KIAA0753: variants seen among roughly 807,000 people sequenced by gnomAD.
The protein encoded by KIAA0753 is protein moonraker.
A neutral mutation model predicts 116.9 loss-of-function variants in KIAA0753; 114 were observed. That is an observed-to-expected ratio of 0.98 (90% CI 0.84 to 1.14). The LOEUF is 1.14. Among genes scored for constraint, KIAA0753 ranks in the 50% most tolerant of loss-of-function variants. The pLI is 0.00. For missense variants in KIAA0753, 1,156 were observed against 1,172.4 expected, an observed-to-expected ratio of 0.99 and a Z score of 0.20; for synonymous variants, 405 against 413.1, an observed-to-expected ratio of 0.98 and a Z score of 0.24.
chr17:6,625,980 G>A (rs544941401), intron 3 of KIAA0753, among the ~76,000 whole-genome samples: 83 of 152,322 alleles, frequency 5.4e-4, no homozygotes, highest in African/African-American at 1.9e-3. Flanking sequence ...AGGATTACAG[G>A]TGTGAGCCAC....
rs2072149 is a variant in KIAA0753 at position 6,628,328 on chromosome 17, A to G, written c.507T>C (p.Ser169=). The G allele has an allele frequency of 0.59, 956,102 of 1,613,842 alleles. 287,233 individuals carry two copies. The highest frequency in any genetic ancestry group is 0.81 in the African/African-American group (60,751 of 74,938). ...ATGAGTAAAGGTATACTTTGGCACC[A>G]GAGCTGGAGATTTCTACTTTGGATG... The part of the protein sequence containing the change: ...HQPSKVEISS[S]GAKVYLYSSH... Residue 169 remains serine, a synonymous_variant, in exon 3 of 19, where the codon TCT becomes TCC. Transcript: ENST00000361413.
chr17:6,629,523 T>C (rs72835764), intron 2 of KIAA0753, among the ~76,000 whole-genome samples: 26,017 of 152,160 alleles, frequency 0.17, 2,777 homozygotes, highest in African/African-American at 0.29. Context: ...TTAAAATTAT[T>C]TCCTTAGGAT....
intron 8 of KIAA0753, 41 bp downstream of exon 8, chr17:6,611,878 G>T (rs1034423425): frequency 1.9e-6 from 3 of 1,556,584 alleles, no homozygotes; most frequent in African/African-American, 2.7e-5. Flanking sequence ...GACAATGTCA[G>T]ATTAACACAA....
rs1970257008 is a variant in KIAA0753 at position 6,607,274 on chromosome 17, G to A, written c.1830-4C>T. 1 of 1,613,602 alleles carries A rather than the reference G, an allele frequency of 6.2e-7. No homozygotes were observed. Among genetic ancestry groups the A allele is most frequent in the South Asian group, 1.1e-5 (1 of 91,076 alleles). On this transcript the variant is annotated splice_polypyrimidine_tract_variant and splice_region_variant and intron_variant, in intron 10 of 18. Transcript: ENST00000361413. ...TTCAGCATCAAGCCAAGCGAGCCTA[G>A]CAGACAGTCAAAAGAGTCAAACCAA... is the stretch of plus-strand genomic sequence containing the variant.
chr17:6,579,263 A>C lies in KIAA0753; in HGVS notation c.*484T>G, dbSNP rs1322303583. ...GCTCTCCCTGAGTCTACAGCCTAGT[A>C]GGGCCAGAGGTCCTGACAGGAAATC... On this transcript the variant is annotated 3_prime_UTR_variant, in exon 19 of 19. Transcript: ENST00000361413. 1 of 156,810 alleles carries C rather than the reference A, an allele frequency of 6.4e-6. No homozygotes were observed. The highest frequency in any genetic ancestry group is 6.3e-5 in the Admixed American group (1 of 15,866). 9.7% of individuals were successfully genotyped at this position (156,810 alleles called of 1,614,324 possible). A position where few individuals can be genotyped will look rare whatever the true frequency, so the allele number is the denominator to read the frequency against.
At chr17:6,640,552 G>C (rs994164456) in intron 1 of KIAA0753, 85 bp downstream of exon 1, 1 of 151,996 alleles carries the variant, frequency 6.6e-6, no homozygotes, top group African/African-American at 2.4e-5. Context: ...AGCAACAAAG[G>C]CTTTCCGAGT....
At position 6,623,526 on chromosome 17, in the gene KIAA0753, T is replaced by C; in HGVS notation, c.871A>G (p.Ile291Val). ...CAGCATACCTTCTTAGTGTGTTTAATTTTATGTGGACTCAATTTATCCAAT... is the reference window on the plus strand; with the variant it reads ...CAGCATACCTTCTTAGTGTGTTTAACTTTATGTGGACTCAATTTATCCAAT... ...EELDKLSPHK[I>V]KHTKKSWAMS... The change falls in exon 5 of 19, where the codon ATT becomes GTT. Residue 291 changes from isoleucine (I) to valine (V), a missense_variant. Ile to Val is a conservative substitution (Grantham distance 29). Transcript: ENST00000361413. The C allele has an allele frequency of 1.6e-5, 26 of 1,608,286 alleles. No individual in the cohort carries two copies. The highest frequency in any genetic ancestry group is 2.2e-5 in the South Asian group (2 of 90,190).
intron 4 of KIAA0753, 163 bp from the exon 5 acceptor site, chr17:6,623,734 G>T: frequency 1.0e-6 from 1 of 993,266 alleles, no homozygotes; most frequent in Non-Finnish European, 1.4e-6. Context: ...CCAAAAAACA[G>T]TTACTGGTTT....
At chr17:6,604,210 T>C (rs1310415950) in intron 12 of KIAA0753, among the ~76,000 whole-genome samples, 1 of 151,768 alleles carries the variant, frequency 6.6e-6, no homozygotes, top group Non-Finnish European at 1.5e-5. Flanking sequence ...GAAACTGTAT[T>C]CATAATAGCC....
At chr17:6,626,211 G>A (rs1971657278) in intron 3 of KIAA0753, among the ~76,000 whole-genome samples, 1 of 152,178 alleles carries the variant, frequency 6.6e-6, no homozygotes, top group Non-Finnish European at 1.5e-5. Context: ...CTTCCAGGCT[G>A]TGGTTTTCAA....
At position 6,635,120 on chromosome 17, in the gene KIAA0753, GAAC is replaced by G. The variant is rs1395804185; in HGVS notation, c.-20_-18del. 1 of 1,555,676 alleles carries G rather than the reference GAAC, an allele frequency of 6.4e-7. No individual in the cohort carries two copies. The highest frequency in any genetic ancestry group is 8.9e-7 in the Non-Finnish European group (1 of 1,126,990). ...TGGTCCCATAATGTCAGGTAGTACA[GAAC>G]AATAGTGACAGCCTTGTCATCCGGC... On this transcript the variant is annotated 5_prime_UTR_variant, in exon 2 of 19. Coordinates refer to ENST00000361413, the MANE Select transcript of KIAA0753 (RefSeq NM_014804.3).
chr17:6,640,319 C>T (rs1292944323), intron 1 of KIAA0753: 1 of 152,928 alleles, frequency 6.5e-6, no homozygotes. Context: ...CGGCTCATAG[C>T]TCCAGGGCAG....
chr17:6,627,283 G>C (rs1301056434), intron 3 of KIAA0753, among the ~76,000 whole-genome samples: 1 of 152,076 alleles, frequency 6.6e-6, no homozygotes, highest in African/African-American at 2.4e-5. Context: ...ATATCCTCAT[G>C]TGCATTTTTG....
chr17:6,623,388 C>T, intron 5 of KIAA0753, 121 bp downstream of exon 5: 1 of 801,050 alleles, frequency 1.2e-6, no homozygotes, highest in Non-Finnish European at 2.0e-6. Context: ...CACTCCCTCA[C>T]TAACAGGTTT....
At position 6,590,505 on chromosome 17, in the gene KIAA0753, C is replaced by T; in HGVS notation, c.2561+5G>A. On this transcript the variant is annotated splice_donor_5th_base_variant and intron_variant, in intron 17 of 18. Coordinates refer to ENST00000361413, the MANE Select transcript of KIAA0753 (RefSeq NM_014804.3). ...ATGAAATCAGAAAGTGTCTTTGCCACTTACTTGCCATTACAGGGCCTTTCT... is the reference window on the plus strand; with the variant it reads ...ATGAAATCAGAAAGTGTCTTTGCCATTTACTTGCCATTACAGGGCCTTTCT... The T allele has an allele frequency of 3.1e-6, 5 of 1,613,830 alleles. No individual in the cohort carries two copies. The highest frequency in any genetic ancestry group is 4.2e-6 in the Non-Finnish European group (5 of 1,179,810).
Position 6,635,164 on chromosome 17 carries a change from A to G in KIAA0753, c.-61T>C. On this transcript the variant is annotated 5_prime_UTR_variant, in exon 2 of 19. Transcript: ENST00000361413. ...GTCATCCGGCAACAGTCTTCCCTAA[A>G]ACCATTCCTAAAACGAAACAAAGCT... The G allele has an allele frequency of 7.9e-7, 1 of 1,264,170 alleles. No individual in the cohort carries two copies. The highest frequency in any genetic ancestry group is 1.2e-6 in the Non-Finnish European group (1 of 863,236). The allele number at this position is 1,264,170 out of a possible 1,614,324, so 78.3% of individuals were successfully genotyped here.
Position 6,608,516 on chromosome 17 carries a change from G to T in KIAA0753, c.1713-52C>A. 3.9e-6 allele frequency: 4 copies of T among 1,025,248 alleles called. No homozygotes were observed. The South Asian group carries it at 6.6e-5, about 17-fold the overall frequency. 63.5% of individuals were successfully genotyped at this position (1,025,248 alleles called of 1,614,324 possible). A position where few individuals can be genotyped will look rare whatever the true frequency, so the allele number is the denominator to read the frequency against. ...TGTCATCATTCACTCCGTATCCAAT[G>T]ACTCATCCAAGTAGGTGCCAGCTCA... On this transcript the variant is annotated intron_variant, in intron 9 of 18. Coordinates refer to ENST00000361413, the MANE Select transcript of KIAA0753 (RefSeq NM_014804.3).
In KIAA0753 at chr17:6,608,449, CT is replaced by C; in HGVS notation, c.1727del (p.Lys576ArgfsTer2). ...TGGCATCTCTGGGGCTAGTTTTCAC[CT>C]TTAGCCATGCAGCACTGAAATAAAT... ...PASPKCAAWL[K>X]VKTSPRDATK... On this transcript the variant is annotated frameshift_variant, in exon 10 of 19. Coordinates refer to ENST00000361413, the MANE Select transcript of KIAA0753 (RefSeq NM_014804.3). LOFTEE classifies it high-confidence loss of function. The C allele has an allele frequency of 6.5e-7, 1 of 1,548,742 alleles. No individual in the cohort carries two copies. The highest frequency in any genetic ancestry group is 1.2e-5 in the South Asian group (1 of 82,776).
chr17:6,611,610 C>T (rs1439810031), intron 8 of KIAA0753, among the ~76,000 whole-genome samples: 4 of 152,018 alleles, frequency 2.6e-5, no homozygotes, highest in Non-Finnish European at 5.9e-5. Flanking sequence ...ATCTTAATCC[C>T]CTCAAGTCTC....
Sources: gnomAD v4.1 joint callset for allele counts (sites outside exome capture counted in the v4.1 genomes callset) on GRCh38, gnomAD v4.1.1 for gene constraint, MANE v1.5 for transcripts, NCBI Gene and HGNC (gene_info 2026-07-23, HGNC 2026-07-21) for gene names.